FHIT: variants seen among roughly 807,000 people sequenced by gnomAD.
The protein encoded by FHIT is bis(5'-adenosyl)-triphosphatase.
Under a neutral mutation model 17.9 loss-of-function variants are expected in FHIT, and 19 were observed. That is an observed-to-expected ratio of 1.06 (90% CI 0.74 to 1.56). The LOEUF (loss-of-function observed/expected upper bound fraction) is 1.56. FHIT is among the 40% of genes most tolerant of loss of function. FHIT has a pLI of 0.00. For synonymous variants in FHIT, 81 were observed against 69.7 expected (o/e 1.16, Z -0.81); for missense variants, 248 against 189.2 (o/e 1.31, Z -1.82).
intron 3 of FHIT, among the ~76,000 whole-genome samples, chr3:60,860,875 A>C (rs1254831720): frequency 1.1e-5 from 1 of 88,258 alleles, no homozygotes; most frequent in Non-Finnish European, 2.3e-5. Context: ...CATATATATC[A>C]TGTATATATG....
chr3:60,726,547 A>G (rs929407927), intron 4 of FHIT, among the ~76,000 whole-genome samples: 1 of 152,180 alleles, frequency 6.6e-6, no homozygotes, highest in African/African-American at 2.4e-5. Context: ...AATGTAGACG[A>G]GATAAGCAGT....
intron 7 of FHIT, among the ~76,000 whole-genome samples, chr3:59,946,968 C>T (rs910175826): frequency 1.4e-4 from 21 of 152,082 alleles, no homozygotes; most frequent in Admixed American, 9.2e-4. Context: ...CTGGCCTGAA[C>T]TTTTCTATTT....
intron 4 of FHIT, among the ~76,000 whole-genome samples, chr3:60,570,749 A>C (rs555379980): frequency 1.3e-5 from 2 of 151,180 alleles, no homozygotes; most frequent in African/African-American, 4.8e-5. Context: ...AAAAAAAAAA[A>C]AAAAAACTAT....
intron 4 of FHIT, among the ~76,000 whole-genome samples, chr3:60,638,753 AC>A (rs533748489): frequency 4.3e-4 from 65 of 152,148 alleles, no homozygotes; most frequent in Non-Finnish European, 8.2e-4. Flanking sequence ...TTTACCAGAA[AC>A]AGAAGAAACG....
chr3:60,791,139 A>G (rs532378223), intron 4 of FHIT, among the ~76,000 whole-genome samples: 13 of 152,188 alleles, frequency 8.5e-5, no homozygotes, highest in Non-Finnish European at 1.8e-4. Context: ...AGAGGGAACA[A>G]TGAAGAAAAG....
rs1163428359 is a variant in FHIT, at chr3:60,118,280, ATTTTTTT to A, written c.104-104135_104-104129del. On this transcript the variant is annotated intron_variant, in intron 5 of 9. Coordinates refer to ENST00000492590, the MANE Select transcript of FHIT (RefSeq NM_002012.4). ...CACCACCATATCCAGCTCATTTTTA[ATTTTTTT>A]TTTTTTTTTGTAGAGACAGGGTCTT... Among the ~76,000 whole-genome samples the A allele has an allele frequency of 3.7e-5, 5 of 135,088 alleles. 1 individual carries two copies. The Admixed American group carries it at 3.7e-4, about 10-fold the overall frequency. 88.6% of individuals were successfully genotyped at this position (135,088 alleles called of 152,430 possible). A position where few individuals can be genotyped will look rare whatever the true frequency, so the allele number is the denominator to read the frequency against.
At chr3:60,389,410 C>G (rs1701139282) in intron 5 of FHIT, among the ~76,000 whole-genome samples, 1 of 152,194 alleles carries the variant, frequency 6.6e-6, no homozygotes, top group African/African-American at 2.4e-5. Flanking sequence ...TTCAGTAACA[C>G]CCAAGGGCAC....
At chr3:61,024,646 C>T (rs1173361419) in intron 3 of FHIT, among the ~76,000 whole-genome samples, 1 of 152,068 alleles carries the variant, frequency 6.6e-6, no homozygotes, top group Non-Finnish European at 1.5e-5. Flanking sequence ...ATGGAATAGT[C>T]TAACAATGCC....
At chr3:59,873,595 C>G (rs1174984598) in intron 8 of FHIT, among the ~76,000 whole-genome samples, 1 of 152,222 alleles carries the variant, frequency 6.6e-6, no homozygotes, top group Non-Finnish European at 1.5e-5. Flanking sequence ...ATTGCAGCTG[C>G]TGTCTTCTGT....
chr3:60,365,540 T>G (rs1373276960), intron 5 of FHIT, among the ~76,000 whole-genome samples: 1 of 152,212 alleles, frequency 6.6e-6, no homozygotes, highest in East Asian at 1.9e-4. Flanking sequence ...TCTTTTCTGT[T>G]AAGTCATATT....
chr3:59,998,470 A>G (rs1699603524), intron 7 of FHIT, among the ~76,000 whole-genome samples: 1 of 152,136 alleles, frequency 6.6e-6, no homozygotes, highest in Admixed American at 6.5e-5. Context: ...CTTCCACTGA[A>G]AAGAGGGATT....
chr3:61,059,955 G>C (rs1195128883), intron 2 of FHIT, among the ~76,000 whole-genome samples: 2 of 152,048 alleles, frequency 1.3e-5, no homozygotes, highest in Non-Finnish European at 2.9e-5. Context: ...AGGTGAACCG[G>C]CATGTCTACA....
At chr3:60,672,116 C>T (rs1256659764) in intron 4 of FHIT, among the ~76,000 whole-genome samples, 1 of 151,984 alleles carries the variant, frequency 6.6e-6, no homozygotes, top group Non-Finnish European at 1.5e-5. Flanking sequence ...ATTTGTATTC[C>T]TTTTACTTTT....
intron 7 of FHIT, among the ~76,000 whole-genome samples, chr3:59,996,484 T>C (rs958749277): frequency 3.9e-5 from 6 of 152,118 alleles, no homozygotes; most frequent in African/African-American, 1.4e-4. Flanking sequence ...TGCGACATTT[T>C]GTGTGTATGT....
rs145584069 is a variant in FHIT, at chr3:61,184,531, G to A, written c.-164+16086C>T. Among the ~76,000 whole-genome samples the A allele has an allele frequency of 4.5e-3, 686 of 152,102 alleles. 8 individuals are homozygous for A. Among genetic ancestry groups the A allele is most frequent in the African/African-American group, 0.016 (654 of 41,500 alleles). ...GAAAGTTTTCCAGAACAGCTTCTGC[G>A]GATGTCTGTGAACAAATATGCCAGC... is the stretch of plus-strand genomic sequence containing the variant. On this transcript the variant is annotated intron_variant, in intron 2 of 9. Transcript: ENST00000492590.
intron 9 of FHIT, 128 bp downstream of exon 9, chr3:59,752,093 C>T (rs2106729948): frequency 3.2e-6 from 2 of 619,326 alleles, no homozygotes; most frequent in Non-Finnish European, 5.6e-6. Context: ...CCCTCCAGCT[C>T]TTTGTCCTTT....
chr3:60,461,037 ACTTT>A (rs569339348), intron 5 of FHIT, among the ~76,000 whole-genome samples: 194 of 152,200 alleles, frequency 1.3e-3, no homozygotes, highest in African/African-American at 4.4e-3. Context: ...GGCACAGAAC[ACTTT>A]CTTTAAGAAA....
intron 1 of FHIT, among the ~76,000 whole-genome samples, chr3:61,204,048 T>A (rs957283622): frequency 6.6e-6 from 1 of 152,208 alleles, no homozygotes; most frequent in African/African-American, 2.4e-5. Flanking sequence ...CACATCAACA[T>A]AGATACCTCT....
At chr3:61,010,769 G>C (rs1036967464) in intron 3 of FHIT, among the ~76,000 whole-genome samples, 1 of 152,126 alleles carries the variant, frequency 6.6e-6, no homozygotes, top group East Asian at 1.9e-4. Context: ...AAGTTAATTG[G>C]TTCTAAGGTT....
Sources: gnomAD v4.1 joint callset for allele counts (sites outside exome capture counted in the v4.1 genomes callset) on GRCh38, gnomAD v4.1.1 for gene constraint, MANE v1.5 for transcripts, NCBI Gene and HGNC (gene_info 2026-07-23, HGNC 2026-07-21) for gene names.